Variants in ABCA1 observed in about 807,000 individuals in gnomAD.
The protein encoded by ABCA1 is phospholipid-transporting ATPase ABCA1.
Under a neutral mutation model 262.5 loss-of-function variants are expected in ABCA1, and 133 were observed. That is an observed-to-expected ratio of 0.51 (90% confidence interval 0.44 to 0.59). The LOEUF (loss-of-function observed/expected upper bound fraction) is 0.59, where lower values mean the gene tolerates loss of function less well. Among genes scored for constraint, ABCA1 ranks in the 20% least tolerant of loss-of-function variants. The probability of loss-of-function intolerance (pLI) is 0.00; values close to 1 mark genes in which losing one functional copy is unlikely to be tolerated. For missense variants in ABCA1, 2,452 were observed against 2,777.5 expected, an observed-to-expected ratio of 0.88 and a Z score of 2.63; for synonymous variants, 1,022 against 1,043.5, an observed-to-expected ratio of 0.98 and a Z score of 0.40.
intron 5 of ABCA1, among the ~76,000 whole-genome samples, chr9:104,868,355 AAAAC>A (rs1042070065): frequency 1.3e-5 from 2 of 152,342 alleles, no homozygotes; most frequent in South Asian, 2.1e-4. Flanking sequence ...TCTGTCTCAA[AAAAC>A]AAACAAACAA....
intron 5 of ABCA1, among the ~76,000 whole-genome samples, chr9:104,869,990 AC>A (rs1413550509): frequency 1.6e-4 from 24 of 152,216 alleles, no homozygotes; most frequent in African/African-American, 5.6e-4. Flanking sequence ...TTGAGAAAAT[AC>A]AAGCTGAAAA....
Position 104,904,780 on chromosome 9 carries a change from C to T in ABCA1, c.-92-1009G>A, listed in dbSNP as rs548497554. Among the ~76,000 whole-genome samples the T allele has an allele frequency of 3.7e-4, 56 of 152,174 alleles. 2 individuals are homozygous for T. In the South Asian group the frequency reaches 9.3e-3, roughly 25 times the overall value. On this transcript the variant is annotated intron_variant, in intron 1 of 49. Transcript: ENST00000374736. ...CAGGCTCAGGGCATCAACTGTGAAA[C>T]CGACAAACAAGCTCCCATGGTCAGC...
chr9:104,819,813 T>G (rs1832139319), intron 21 of ABCA1, 90 bp from the exon 22 acceptor site: 1 of 1,611,284 alleles, frequency 6.2e-7, no homozygotes, highest in Non-Finnish European at 8.5e-7. Context: ...AGGGACAAGT[T>G]TCTGTTACCA....
intron 8 of ABCA1, among the ~76,000 whole-genome samples, chr9:104,841,556 T>C (rs1834373977): frequency 6.6e-6 from 1 of 152,220 alleles, no homozygotes; most frequent in Non-Finnish European, 1.5e-5. Context: ...AACTTCTCCA[T>C]GCTTCACGGA....
chr9:104,840,265 G>C lies in ABCA1; in HGVS notation c.1054+14C>G, dbSNP rs200464247. The C allele has an allele frequency of 5.9e-5, 95 of 1,614,018 alleles. No homozygotes were observed. The highest frequency in any genetic ancestry group is 7.7e-5 in the Non-Finnish European group (91 of 1,180,044). On this transcript the variant is annotated intron_variant, in intron 9 of 49. Transcript: ENST00000374736. ...GGGGTTGGGGACAGGGCTGGGGTCT[G>C]CATGGACACTCACTTGTAGAGTTGT...
chr9:104,793,661 T>C (rs1424663049), intron 40 of ABCA1, among the ~76,000 whole-genome samples: 3 of 152,194 alleles, frequency 2.0e-5, no homozygotes, highest in Admixed American at 6.5e-5. Flanking sequence ...TAAGTTTTAG[T>C]AATAATAAAT....
chr9:104,862,638 C>CCCCCCACCCCCA (rs1836537535), intron 5 of ABCA1, among the ~76,000 whole-genome samples: 2 of 16,742 alleles, frequency 1.2e-4, no homozygotes, highest in East Asian at 4.6e-4. Flanking sequence ...GACTGCCGGG[C>CCCCCCACCCCCA]CGGGCCGGGC....
intron 6 of ABCA1, 102 bp downstream of exon 6, chr9:104,861,577 T>C (rs539624306): frequency 1.3e-6 from 2 of 1,516,406 alleles, no homozygotes; most frequent in African/African-American, 2.7e-5. Context: ...CTCCCTCCCC[T>C]TCACCACCAT....
intron 7 of ABCA1, among the ~76,000 whole-genome samples, chr9:104,852,481 A>C (rs1411494849): frequency 3.3e-5 from 5 of 152,256 alleles, no homozygotes; most frequent in Non-Finnish European, 4.4e-5. Context: ...AGTTAAATAC[A>C]TCTACTACCA....
At chr9:104,866,484 A>AC (rs1201196489) in intron 5 of ABCA1, among the ~76,000 whole-genome samples, 1 of 143,064 alleles carries the variant, frequency 7.0e-6, no homozygotes, top group Non-Finnish European at 1.5e-5. Flanking sequence ...CTTTTTTGTG[A>AC]CTTTTTTTTT....
At chr9:104,854,327 A>G (rs1187507066) in intron 7 of ABCA1, among the ~76,000 whole-genome samples, 1 of 152,198 alleles carries the variant, frequency 6.6e-6, no homozygotes, top group African/African-American at 2.4e-5. Flanking sequence ...AAACACCTTG[A>G]TATCAGCCCT....
At chr9:104,796,501 C>G (rs1829908678) in intron 37 of ABCA1, 77 bp from the exon 38 acceptor site, 1 of 1,139,642 alleles carries the variant, frequency 8.8e-7, no homozygotes, top group African/African-American at 1.5e-5. Flanking sequence ...TCACCATTAT[C>G]AGACAAGAAA....
At chr9:104,803,608 T>G (rs886136275) in intron 32 of ABCA1, among the ~76,000 whole-genome samples, 3 of 149,882 alleles carry the variant, frequency 2.0e-5, no homozygotes, top group African/African-American at 7.6e-5. Flanking sequence ...GCTTTTTCTT[T>G]CTTTTTTTTT....
intron 19 of ABCA1, among the ~76,000 whole-genome samples, chr9:104,821,959 G>T (rs1348519773): frequency 1.3e-5 from 2 of 152,142 alleles, no homozygotes; most frequent in Non-Finnish European, 2.9e-5. Context: ...AACAGGAAAA[G>T]AATGTCACCC....
intron 36 of ABCA1, chr9:104,799,452 T>A: frequency 1.0e-6 from 1 of 952,824 alleles, no homozygotes; most frequent in African/African-American, 1.9e-5. Context: ...ATTTAGGAAT[T>A]AAAGATACAA....
chr9:104,862,790 G>C (rs1476871161), intron 5 of ABCA1, among the ~76,000 whole-genome samples: 2 of 112,978 alleles, frequency 1.8e-5, no homozygotes, highest in Non-Finnish European at 2.0e-5. Flanking sequence ...GATGCGACTG[G>C]AGAATCACTT....
At chr9:104,829,762 T>C (rs1054254964) in intron 14 of ABCA1, among the ~76,000 whole-genome samples, 3 of 152,196 alleles carry the variant, frequency 2.0e-5, no homozygotes, top group Non-Finnish European at 4.4e-5. Context: ...AAACCTTAGC[T>C]TAGGGGTCTT....
intron 2 of ABCA1, among the ~76,000 whole-genome samples, chr9:104,902,680 A>G (rs2740487): frequency 0.62 from 94,438 of 152,006 alleles, 30,482 homozygotes; most frequent in East Asian, 0.82. Flanking sequence ...GAACAAAAGG[A>G]TGCTTTGACA....
intron 2 of ABCA1, among the ~76,000 whole-genome samples, chr9:104,896,709 A>ATTTTTTTTTTTT (rs1564270342): frequency 2.6e-5 from 2 of 78,272 alleles, no homozygotes; most frequent in African/African-American, 1.1e-4. Flanking sequence ...CTCCCTACAC[A>ATTTTTTTTTTTT]TCTTTTTTTT....
Sources: gnomAD v4.1 joint callset for allele counts (sites outside exome capture counted in the v4.1 genomes callset) on GRCh38, gnomAD v4.1.1 for gene constraint, MANE v1.5 for transcripts, NCBI Gene and HGNC (gene_info 2026-07-23, HGNC 2026-07-21) for gene names.